Variants in AKR1E2 observed in about 807,000 individuals in gnomAD.
AKR1E2 encodes 1,5-anhydro-D-fructose reductase.
AKR1E2 carries 43 observed loss-of-function variants against 41.9 expected under a neutral mutation model. That is an observed-to-expected ratio of 1.03 (90% CI 0.80 to 1.32). AKR1E2 has a LOEUF of 1.32. Among genes scored for constraint, AKR1E2 ranks in the 40% most tolerant of loss-of-function variants. The pLI is 0.00. For missense variants in AKR1E2, 423 were observed against 396.5 expected, an observed-to-expected ratio of 1.07 and a Z score of -0.57; for synonymous variants, 121 against 138.9, an observed-to-expected ratio of 0.87 and a Z score of 0.91.
At chr10:4,841,111 G>A (rs1833835661) in intron 6 of AKR1E2, among the ~76,000 whole-genome samples, 1 of 152,176 alleles carries the variant, frequency 6.6e-6, no homozygotes, top group Admixed American at 6.5e-5. Flanking sequence ...TCCTCTGATG[G>A]AGTGAGTCAG....
At chr10:4,836,076 A>AT (rs921190963) in intron 4 of AKR1E2, among the ~76,000 whole-genome samples, 1 of 152,074 alleles carries the variant, frequency 6.6e-6, no homozygotes, top group African/African-American at 2.4e-5. Flanking sequence ...ATATTTATTT[A>AT]TTTTTTTATT....
At chr10:4,845,442 T>C (rs77824919) in intron 8 of AKR1E2, among the ~76,000 whole-genome samples, 5,291 of 149,210 alleles carry the variant, frequency 0.035, 152 homozygotes, top group East Asian at 0.12. Flanking sequence ...GGAGAGCTAG[T>C]GAGGGTTGTG....
the AKR1E2 span, among the ~76,000 whole-genome samples, chr10:4,860,276 A>G: frequency 6.6e-6 from 1 of 152,192 alleles, no homozygotes; most frequent in Non-Finnish European, 1.5e-5. Context: ...ATGAGTCCAT[A>G]GGGCACTAGG....
rs1325953886 is a variant in AKR1E2, at chr10:4,830,711, G to A, written c.76G>A (p.Ala26Thr). 2 of 1,614,132 alleles carry A rather than the reference G, an allele frequency of 1.2e-6. No individual in the cohort carries two copies. The highest frequency in any genetic ancestry group is 1.7e-5 in the Admixed American group (1 of 60,024). Reference sequence around the variant, plus strand: ...GAAAGTGACCGAGGCAGTGAAAGAGGCCATTGACGCAGGGTACCGGCACTT... The same window carrying A: ...GAAAGTGACCGAGGCAGTGAAAGAGACCATTGACGCAGGGTACCGGCACTT... ...PGKVTEAVKE[A>T]IDAGYRHFDC... Residue 26 changes from alanine (A) to threonine (T), a missense_variant, in exon 2 of 10, where the codon GCC (alanine) becomes ACC (threonine). By Grantham distance (58) the Ala-to-Thr change is moderately conservative. Transcript: ENST00000298375.
intron 4 of AKR1E2, 83 bp from the exon 5 acceptor site, chr10:4,837,376 A>G (rs41336345): frequency 1.3e-6 from 2 of 1,516,494 alleles, no homozygotes; most frequent in African/African-American, 1.4e-5. Flanking sequence ...CAGTTTTAGA[A>G]TACCATACAG....
intron 2 of AKR1E2, among the ~76,000 whole-genome samples, chr10:4,831,549 A>G (rs535088829): frequency 6.6e-6 from 1 of 152,336 alleles, no homozygotes; most frequent in South Asian, 2.1e-4. Context: ...CTTATTCACT[A>G]TCACCAGAAC....
At chr10:4,859,954 G>A in the AKR1E2 span, among the ~76,000 whole-genome samples, 1 of 152,194 alleles carries the variant, frequency 6.6e-6, no homozygotes, top group Admixed American at 6.5e-5. Context: ...ACCAGATGGG[G>A]CTCTGGCTGC....
intron 3 of AKR1E2, 40 bp downstream of exon 3, chr10:4,833,506 C>A: frequency 6.5e-7 from 1 of 1,536,722 alleles, no homozygotes. Flanking sequence ...GTTTGCAGGA[C>A]CTTCCTCCCC....
At chr10:4,825,910 A>C (rs1832443689), upstream of AKR1E2, among the ~76,000 whole-genome samples, 1 of 152,146 alleles carries the variant, frequency 6.6e-6, no homozygotes, top group Admixed American at 6.5e-5. Flanking sequence ...GAAGGCAACC[A>C]GGAGGTCACA....
At position 4,842,502 on chromosome 10, in the gene AKR1E2, C is replaced by G. The variant is rs897363814; in HGVS notation, c.835C>G (p.Gln279Glu). 2 of 1,613,592 alleles carry G rather than the reference C, an allele frequency of 1.2e-6. No homozygotes were observed. The highest frequency in any genetic ancestry group is 1.7e-6 in the Non-Finnish European group (2 of 1,179,582). The part of the protein sequence containing the change: ...ITPSHIKENI[Q>E]VFDFELTQHD... ...CCCAAGTCACATTAAAGAGAATATC[C>G]AGGTAGGTGTATTCCTTCTTTTATT... The change falls in exon 8 of 10, where the codon CAG becomes GAG. Residue 279 changes from glutamine (Q) to glutamate (E), a missense_variant and splice_region_variant. Transcript: ENST00000298375.
At chr10:4,845,734 C>T (rs1298546338) in intron 8 of AKR1E2, 5 of 471,114 alleles carry the variant, frequency 1.1e-5, no homozygotes, top group South Asian at 4.6e-5. Context: ...GAATGTGACA[C>T]GGGGACCTTG....
At chr10:4,831,916 G>A (rs1348087950) in intron 2 of AKR1E2, among the ~76,000 whole-genome samples, 1 of 152,194 alleles carries the variant, frequency 6.6e-6, no homozygotes, top group Non-Finnish European at 1.5e-5. Flanking sequence ...TTGCATTTGA[G>A]GCAGAGGCAG....
chr10:4,855,240 T>C, the AKR1E2 span, among the ~76,000 whole-genome samples: 39,306 of 152,122 alleles, frequency 0.26, 5,291 homozygotes, highest in Middle Eastern at 0.37. Context: ...CTTCTCTTCT[T>C]TGTAAAGTGT....
At chr10:4,840,223 C>T (rs571155826) in intron 6 of AKR1E2, among the ~76,000 whole-genome samples, 3 of 152,296 alleles carry the variant, frequency 2.0e-5, no homozygotes, top group African/African-American at 7.2e-5. Context: ...CTGTACTGTG[C>T]TCCCAAGATC....
the AKR1E2 span, among the ~76,000 whole-genome samples, chr10:4,859,270 A>G: frequency 0.014 from 2,132 of 152,344 alleles, 48 homozygotes; most frequent in African/African-American, 0.049. Flanking sequence ...CATCGTTTCT[A>G]TTCTCAACTC....
the AKR1E2 span, among the ~76,000 whole-genome samples, chr10:4,865,002 A>G: frequency 5.3e-5 from 8 of 152,210 alleles, no homozygotes; most frequent in Non-Finnish European, 8.8e-5. Context: ...AGAGTTAACT[A>G]TGAGTAAAAC....
chr10:4,871,008 G>T, the AKR1E2 span, among the ~76,000 whole-genome samples: 2 of 151,702 alleles, frequency 1.3e-5, no homozygotes, highest in Non-Finnish European at 2.9e-5. Context: ...GCTCCTCTTG[G>T]ATGATTTATA....
chr10:4,839,085 C>A (rs1191223570), intron 5 of AKR1E2, among the ~76,000 whole-genome samples: 5 of 152,158 alleles, frequency 3.3e-5, no homozygotes, highest in Non-Finnish European at 7.4e-5. Flanking sequence ...CTCCTTATAA[C>A]CTGGAATTAT....
chr10:4,840,142 A>T (rs1247908536), intron 6 of AKR1E2, among the ~76,000 whole-genome samples: 1 of 151,940 alleles, frequency 6.6e-6, no homozygotes, highest in Non-Finnish European at 1.5e-5. Context: ...CCTGACAAGG[A>T]TGCTCCCCAG....
Sources: allele counts gnomAD v4.1 joint callset (sites outside exome capture counted in the v4.1 genomes callset), GRCh38; gene constraint gnomAD v4.1.1; transcripts MANE v1.5; gene names NCBI Gene and HGNC (gene_info 2026-07-23, HGNC 2026-07-21).